Variants in MCTP1 observed in about 807,000 individuals in gnomAD.
The protein encoded by MCTP1 is multiple C2 and transmembrane domain containing 1.
A neutral mutation model predicts 120.6 loss-of-function variants in MCTP1; 69 were observed. The ratio of observed to expected loss-of-function variants is 0.57; its 90% CI spans 0.47 to 0.70. The LOEUF (loss-of-function observed/expected upper bound fraction) is 0.70, where lower values mean the gene tolerates loss of function less well. Ranked by LOEUF, MCTP1 falls within the 30% of genes least tolerant of loss-of-function variation. The probability of loss-of-function intolerance (pLI) is 0.00; values close to 1 mark genes in which losing one functional copy is unlikely to be tolerated. For missense variants in MCTP1, 1,203 were observed against 1,248.8 expected, an observed-to-expected ratio of 0.96 and a Z score of 0.55; for synonymous variants, 529 against 493.1, an observed-to-expected ratio of 1.07 and a Z score of -0.96.
At position 94,953,494 on chromosome 5, in the gene MCTP1, T is replaced by A. The variant is rs1378893720; in HGVS notation, c.839-133A>T. 6.9e-6 allele frequency: 4 copies of A among 576,510 alleles called. No individual in the cohort carries two copies. In the Admixed American group the frequency reaches 1.6e-4, roughly 23 times the overall value. The allele number at this position is 576,510 out of a possible 1,614,324, so 35.7% of individuals were successfully genotyped here. A position where few individuals can be genotyped will look rare whatever the true frequency, so the allele number is the denominator to read the frequency against. ...AAATTATCTATGCAGAAATAAGAGT[T>A]AAGTGTTTTCTTATGAATTTTTTAT... On this transcript the variant is annotated intron_variant, in intron 2 of 22. Transcript: ENST00000515393.
intron 1 of MCTP1, among the ~76,000 whole-genome samples, chr5:95,205,546 C>A (rs12186368): frequency 0.2 from 30,102 of 152,034 alleles, 3,155 homozygotes; most frequent in Non-Finnish European, 0.23. Context: ...AGAAAGTGAA[C>A]AGGCACCCCA....
intron 1 of MCTP1, among the ~76,000 whole-genome samples, chr5:95,175,661 A>C (rs1472910829): frequency 2.6e-5 from 4 of 152,160 alleles, no homozygotes; most frequent in African/African-American, 9.7e-5. Context: ...GAAATAGCTT[A>C]TGGGTAGGTC....
In MCTP1 at chr5:94,859,572, G is replaced by A. The variant is rs769297550; in HGVS notation, c.2436+8761C>T. 4.6e-5 allele frequency among the ~76,000 whole-genome samples: 7 copies of A among 151,542 alleles called. No individual in the cohort carries two copies. The South Asian group carries it at 1.0e-3, about 22-fold the overall frequency. Reference sequence around the variant, plus strand: ...CACACTATATGCCATAAATATGTACGATTATTTTGTGTTAATTAAACATAA... The same window carrying A: ...CACACTATATGCCATAAATATGTACAATTATTTTGTGTTAATTAAACATAA... On this transcript the variant is annotated intron_variant, in intron 17 of 22. Transcript: ENST00000515393.
At chr5:94,943,483 A>C (rs1818218057) in intron 3 of MCTP1, among the ~76,000 whole-genome samples, 1 of 152,118 alleles carries the variant, frequency 6.6e-6, no homozygotes, top group Non-Finnish European at 1.5e-5. Context: ...AAGGATGCTA[A>C]GTAAATGGGA....
rs77633741 is a variant in MCTP1 at position 95,015,804 on chromosome 5, C to T, written c.838+1563G>A. 2.7e-3 allele frequency among the ~76,000 whole-genome samples: 414 copies of T among 151,908 alleles called. 13 individuals are homozygous for T. In the East Asian group the frequency reaches 0.077, roughly 28 times the overall value. ...CTATTTATGGGTATTTAGATTATTG[C>T]CTATATTTTATAATTATAAACAATG... On this transcript the variant is annotated intron_variant, in intron 2 of 22. Transcript: ENST00000515393.
intron 1 of MCTP1, among the ~76,000 whole-genome samples, chr5:95,083,134 A>G (rs1363248962): frequency 6.6e-6 from 1 of 152,220 alleles, no homozygotes; most frequent in Non-Finnish European, 1.5e-5. Context: ...TAATCAAAAA[A>G]TTATTTAATA....
intron 1 of MCTP1, among the ~76,000 whole-genome samples, chr5:95,019,244 C>T (rs566025818): frequency 1.3e-5 from 2 of 152,184 alleles, no homozygotes; most frequent in Non-Finnish European, 2.9e-5. Flanking sequence ...TTAGTTAACA[C>T]ATCTTTCACC....
chr5:94,945,532 T>C (rs1299860091), intron 3 of MCTP1, among the ~76,000 whole-genome samples: 1 of 152,126 alleles, frequency 6.6e-6, no homozygotes, highest in Non-Finnish European at 1.5e-5. Flanking sequence ...TGAAAAATAT[T>C]TGGTGAGCAC....
intron 1 of MCTP1, among the ~76,000 whole-genome samples, chr5:95,073,135 G>C (rs920710764): frequency 6.6e-5 from 10 of 152,120 alleles, no homozygotes; most frequent in African/African-American, 2.4e-4. Flanking sequence ...AGCTTGCAAG[G>C]CCTTCTTTCA....
intron 2 of MCTP1, among the ~76,000 whole-genome samples, chr5:94,962,906 G>A (rs1824643149): frequency 6.6e-6 from 1 of 151,952 alleles, no homozygotes; most frequent in Non-Finnish European, 1.5e-5. Flanking sequence ...CTTTAAACTT[G>A]AAAAAAAGAA....
intron 1 of MCTP1, among the ~76,000 whole-genome samples, chr5:95,213,843 C>T (rs533495080): frequency 6.6e-6 from 1 of 152,380 alleles, no homozygotes; most frequent in East Asian, 1.9e-4. Flanking sequence ...CCCTTCCTTA[C>T]ACCTTATACA....
At chr5:95,133,062 C>G (rs1032479538) in intron 1 of MCTP1, among the ~76,000 whole-genome samples, 9 of 152,188 alleles carry the variant, frequency 5.9e-5, no homozygotes, top group Non-Finnish European at 1.2e-4. Context: ...ACTTAAGTAC[C>G]TGGTCCCTTT....
intron 2 of MCTP1, among the ~76,000 whole-genome samples, chr5:94,961,377 G>T (rs531605477): frequency 2.6e-5 from 4 of 151,964 alleles, no homozygotes; most frequent in Admixed American, 2.6e-4. Context: ...TAACAAATCT[G>T]CACGTTCTGA....
intron 10 of MCTP1, among the ~76,000 whole-genome samples, chr5:94,907,259 T>C (rs1225428426): frequency 1.3e-5 from 2 of 152,206 alleles, no homozygotes; most frequent in Non-Finnish European, 2.9e-5. Context: ...ATCATAGTTA[T>C]TTCCCTTTTC....
At chr5:95,092,110 C>T (rs1287454739) in intron 1 of MCTP1, among the ~76,000 whole-genome samples, 2 of 152,186 alleles carry the variant, frequency 1.3e-5, no homozygotes, top group Admixed American at 6.5e-5. Context: ...ATTAGAAATA[C>T]ACCTAATGAA....
intron 2 of MCTP1, among the ~76,000 whole-genome samples, chr5:95,004,293 T>C (rs1834256576): frequency 6.6e-6 from 1 of 152,180 alleles, no homozygotes; most frequent in Non-Finnish European, 1.5e-5. Context: ...CTGAAACTTA[T>C]ATTTAAAAGG....
chr5:94,798,827 T>C lies in MCTP1; in HGVS notation c.2556+186A>G, dbSNP rs956558647. ...CTACCAGGAGGAGTAATGTTAGAAA[T>C]AAGTGAATACTCTCTATTGTGTTAG... On this transcript the variant is annotated intron_variant, in intron 18 of 22. Transcript: ENST00000515393. Among the ~76,000 whole-genome samples the C allele has an allele frequency of 3.9e-5, 6 of 152,274 alleles. No individual in the cohort carries two copies. The South Asian group carries it at 8.3e-4, about 21-fold the overall frequency.
chr5:94,950,226 CTTAA>C (rs1342740463), intron 3 of MCTP1, among the ~76,000 whole-genome samples: 11 of 152,014 alleles, frequency 7.2e-5, no homozygotes, highest in African/African-American at 1.9e-4. Flanking sequence ...TTCTATTTAA[CTTAA>C]TTGTCTTTCT....
intron 19 of MCTP1, among the ~76,000 whole-genome samples, chr5:94,736,989 A>T (rs1764417377): frequency 6.6e-6 from 1 of 151,870 alleles, no homozygotes; most frequent in South Asian, 2.1e-4. Flanking sequence ...GTCAAGTGAA[A>T]TTTTTCTTTT....
Sources: allele counts gnomAD v4.1 joint callset (sites outside exome capture counted in the v4.1 genomes callset), GRCh38; gene constraint gnomAD v4.1.1; transcripts MANE v1.5; gene names NCBI Gene and HGNC (gene_info 2026-07-23, HGNC 2026-07-21).